TRIM25: variants seen among roughly 807,000 people sequenced by gnomAD.
TRIM25 encodes tripartite motif containing 25.
In TRIM25, 45 loss-of-function variants were observed where a neutral mutation model predicts 65.2. The observed-to-expected ratio is 0.69, with a 90% CI of 0.54 to 0.89. The LOEUF (loss-of-function observed/expected upper bound fraction) is 0.89, where lower values mean the gene tolerates loss of function less well. TRIM25 is among the 40% of genes least tolerant of loss of function. TRIM25 has a pLI of 0.00. For synonymous variants in TRIM25, 321 were observed against 340.4 expected (o/e 0.94, Z 0.63); for missense variants, 714 against 803.7 (o/e 0.89, Z 1.35).
In TRIM25 at chr17:56,913,927, T is replaced by C; in HGVS notation, c.62A>G (p.Lys21Arg). ...LSCSICLEPF[K>R]EPVTTPCGHN... ...GCCGCACGGAGTGGTGACCGGCTCC[T>C]TGAAGGGCTCCAGGCAGATGGAGCA... Residue 21 changes from lysine (K) to arginine (R), a missense_variant, in exon 1 of 9, where the codon AAG (lysine) becomes AGG (arginine). Lys to Arg is a conservative substitution (Grantham distance 26, BLOSUM62 2). This residue lies in a region of TRIM25 where 291 missense variants were observed against 281.8 expected (regional missense o/e 1.03). Transcript: ENST00000316881. This position sits in a 1 kb window ranked among gnomAD's most constrained non-coding sequence, Gnocchi z 6.1. 6.3e-7 allele frequency: 1 copy of C among 1,583,704 alleles called. No individual in the cohort carries two copies. The highest frequency in any genetic ancestry group is 2.3e-5 in the East Asian group (1 of 43,740).
chr17:56,909,055 C>T (rs964524318), intron 1 of TRIM25, among the ~76,000 whole-genome samples: 5 of 152,086 alleles, frequency 3.3e-5, no homozygotes, highest in African/African-American at 9.7e-5. Flanking sequence ...AGGAACAGAA[C>T]GAGCTGGGAC....
rs185905212 is a variant in TRIM25 at position 56,901,592 on chromosome 17, G to A, written c.928-14C>T. 1.5e-4 allele frequency: 236 copies of A among 1,613,922 alleles called. No homozygotes were observed. Among genetic ancestry groups the A allele is most frequent in the Non-Finnish European group, 1.9e-4 (225 of 1,179,878 alleles). On this transcript the variant is annotated splice_polypyrimidine_tract_variant and intron_variant, in intron 3 of 8. Transcript: ENST00000316881. Reference sequence around the variant, plus strand: ...TTTTGATGCTTTCTGGAACATGCCAGGGGGTTAGTGCAGGCAGCTCTGGTG... The same window carrying A: ...TTTTGATGCTTTCTGGAACATGCCAAGGGGTTAGTGCAGGCAGCTCTGGTG...
Position 56,913,344 on chromosome 17 carries a change from C to T in TRIM25, c.597+48G>A. On this transcript the variant is annotated intron_variant, in intron 1 of 8. Transcript: ENST00000316881. This position sits in a 1 kb window ranked among gnomAD's most constrained non-coding sequence, Gnocchi z 6.1. ...GAGGCCCCCGGTGGCCCCTCTGCAC[C>T]ACCCATCAGGCCAGGCTGCCCTCTG... The T allele has an allele frequency of 6.7e-7, 1 of 1,494,734 alleles. No individual in the cohort carries two copies. Among genetic ancestry groups the T allele is most frequent in the South Asian group, 1.4e-5 (1 of 74,054 alleles). 92.6% of individuals were successfully genotyped at this position (1,494,734 alleles called of 1,614,324 possible). A position where few individuals can be genotyped will look rare whatever the true frequency, so the allele number is the denominator to read the frequency against.
intron 8 of TRIM25, 96 bp from the exon 9 acceptor site, chr17:56,892,325 C>A: frequency 7.2e-7 from 1 of 1,383,514 alleles, no homozygotes; most frequent in Non-Finnish European, 9.8e-7. Context: ...CTAGTTTTAT[C>A]CATCCATGCA....
Position 56,901,501 on chromosome 17 carries a change from T to G in TRIM25, c.1005A>C (p.Lys335Asn). 6.2e-7 allele frequency: 1 copy of G among 1,614,156 alleles called. No individual in the cohort carries two copies. The change falls in exon 4 of 9, where the codon AAA (lysine) becomes AAC (asparagine). Residue 335 changes from lysine to asparagine, a missense_variant. By Grantham distance (94) the Lys-to-Asn change is moderately conservative (BLOSUM62 0). Transcript: ENST00000316881. Reference sequence around the variant, plus strand: ...GGTCTATGGTGCTCTGGTGGATGCCTTTTATCAGCTTGTGGTTCAGTTCCA... The same window carrying G: ...GGTCTATGGTGCTCTGGTGGATGCCGTTTATCAGCTTGTGGTTCAGTTCCA... ...PEVELNHKLI[K>N]GIHQSTIDLK...
At position 56,891,456 on chromosome 17, in the gene TRIM25, A is replaced by G; in HGVS notation, c.*244T>C. 1 of 532,034 alleles carries G rather than the reference A, an allele frequency of 1.9e-6. No individual in the cohort carries two copies. The highest frequency in any genetic ancestry group is 3.4e-6 in the Non-Finnish European group (1 of 298,188). The allele number at this position is 532,034 out of a possible 1,614,324, so 33.0% of individuals were successfully genotyped here. ...CAGCAGCCTGGAGATTTCCAGAACA[A>G]TGGGGAGTAGGTCACCCTGCCCTGA... is the stretch of plus-strand genomic sequence containing the variant. On this transcript the variant is annotated 3_prime_UTR_variant, in exon 9 of 9. Coordinates refer to ENST00000316881, the MANE Select transcript of TRIM25 (RefSeq NM_005082.5).
chr17:56,895,014 G>A lies in TRIM25; in HGVS notation c.1363+329C>T, dbSNP rs545986019. 1.6e-4 allele frequency among the ~76,000 whole-genome samples: 25 copies of A among 152,334 alleles called. No homozygotes were observed. The South Asian group carries it at 2.3e-3, about 14-fold the overall frequency. On this transcript the variant is annotated intron_variant, in intron 8 of 8. Coordinates refer to ENST00000316881, the MANE Select transcript of TRIM25 (RefSeq NM_005082.5). ...GATGCAGGGCAGGCATGCCGGCAAC[G>A]GGACGCCCGGTGAAGGCCGGTGACC...
At chr17:56,899,247 A>C (rs768070909) in intron 4 of TRIM25, 67 bp from the exon 5 acceptor site, 1 of 1,567,060 alleles carries the variant, frequency 6.4e-7, no homozygotes, top group Admixed American at 1.7e-5. Context: ...CAGCTTTGCC[A>C]TGGGTCGGTG....
chr17:56,897,691 T>G (rs1226966213), intron 5 of TRIM25, among the ~76,000 whole-genome samples: 1 of 152,220 alleles, frequency 6.6e-6, no homozygotes, highest in African/African-American at 2.4e-5. Flanking sequence ...GTCATTCTGC[T>G]GTGACATGAG....
Position 56,901,492 on chromosome 17 carries a change from G to A in TRIM25, c.1014C>T (p.His338=). 6.2e-7 allele frequency: 1 copy of A among 1,614,184 alleles called. No individual in the cohort carries two copies. The highest frequency in any genetic ancestry group is 8.5e-7 in the Non-Finnish European group (1 of 1,180,044). The change falls in exon 4 of 9, where the codon CAC becomes CAT. Residue 338 remains histidine, a synonymous_variant. Transcript: ENST00000316881. ...ELNHKLIKGI[H]QSTIDLKNEL... is the part of the protein sequence containing the mutation. The stretch of plus-strand genomic sequence containing the variant: ...CGTTTTTGAGGTCTATGGTGCTCTG[G>A]TGGATGCCTTTTATCAGCTTGTGGT...
rs1208446136 is a variant in TRIM25, at chr17:56,908,511, G to A, written c.650C>T (p.Ser217Leu). 1.3e-5 allele frequency: 21 copies of A among 1,614,008 alleles called. No homozygotes were observed. The highest frequency in any genetic ancestry group is 2.2e-5 in the East Asian group (1 of 44,878). ...TVMYSQINGA[S>L]RALDDVRNRQ... is the part of the protein sequence containing the mutation. ...GTTTCTCACATCATCCAGTGCTCTC[G>A]ACGCCCCGTTGATCTGACTGTACAT... The change falls in exon 2 of 9, where the codon TCG (serine) becomes TTG (leucine). Residue 217 changes from serine (S) to leucine (L), a missense_variant. By Grantham distance (145) the Ser-to-Leu change is moderately radical. Around this residue, in one of 3 missense-constraint regions of TRIM25, gnomAD observed 413 missense variants for 498.2 expected, o/e 0.83. Transcript: ENST00000316881.
Position 56,913,588 on chromosome 17 carries a change from T to G in TRIM25, c.401A>C (p.His134Pro), listed in dbSNP as rs1464366002. 6.2e-7 allele frequency: 1 copy of G among 1,610,654 alleles called. No homozygotes were observed. Among genetic ancestry groups the G allele is most frequent in the African/African-American group, 1.3e-5 (1 of 74,960 alleles). The change falls in exon 1 of 9, where the codon CAC becomes CCC. Residue 134 changes from histidine (H) to proline (P), a missense_variant. His to Pro is a moderately conservative substitution (Grantham distance 77). Transcript: ENST00000316881. This position sits in a 1 kb window ranked among gnomAD's most constrained non-coding sequence, Gnocchi z 6.1. ...GTCCTGGAAGGCGGGGCTGTCGAAG[T>G]GCGGCTGCAGGTGCTCCTGACAGAA... ...ASFCQEHLQP[H>P]FDSPAFQDHP...
intron 4 of TRIM25, 143 bp downstream of exon 4, chr17:56,901,272 CCAGA>C: frequency 2.2e-6 from 2 of 915,570 alleles, no homozygotes; most frequent in Non-Finnish European, 1.6e-6. Flanking sequence ...CCACCAGCCT[CCAGA>C]CAGAGGGCGG....
chr17:56,893,023 A>G (rs1909213493), intron 8 of TRIM25, among the ~76,000 whole-genome samples: 1 of 152,240 alleles, frequency 6.6e-6, no homozygotes, highest in Non-Finnish European at 1.5e-5. Context: ...AGGAGAACAG[A>G]GAGAGAAAAG....
intron 8 of TRIM25, among the ~76,000 whole-genome samples, chr17:56,894,051 A>G (rs559228931): frequency 3.3e-5 from 5 of 152,242 alleles, no homozygotes; most frequent in African/African-American, 1.2e-4. Context: ...CGGGGATTTT[A>G]AAAAGCTCCC....
At chr17:56,899,073 C>T in intron 5 of TRIM25, 42 bp downstream of exon 5, 1 of 1,609,152 alleles carries the variant, frequency 6.2e-7, no homozygotes, top group Non-Finnish European at 8.5e-7. Context: ...GGGGAGGCCA[C>T]AGCCATGCTG....
intron 5 of TRIM25, among the ~76,000 whole-genome samples, chr17:56,898,594 C>T (rs1254123073): frequency 6.6e-6 from 1 of 151,646 alleles, no homozygotes; most frequent in East Asian, 1.9e-4. Context: ...AAAGCACAAA[C>T]ATAAACAGTT....
In TRIM25 at chr17:56,913,287, C is replaced by T; in HGVS notation, c.597+105G>A. On this transcript the variant is annotated intron_variant, in intron 1 of 8. Transcript: ENST00000316881. The surrounding 1 kb of genome is among the most constrained non-coding windows in gnomAD (Gnocchi z 6.1). ...AGATGCCCCGGCCTCGAATTCAGGCCCATCTCCCCAGGGCGTCCAGAGTGT... is the reference window on the plus strand; with the variant it reads ...AGATGCCCCGGCCTCGAATTCAGGCTCATCTCCCCAGGGCGTCCAGAGTGT... 1.3e-5 allele frequency: 14 copies of T among 1,069,532 alleles called. No homozygotes were observed. In the South Asian group the frequency reaches 2.5e-4, roughly 19 times the overall value. The allele number at this position is 1,069,532 out of a possible 1,614,324, so 66.3% of individuals were successfully genotyped here. A position where few individuals can be genotyped will look rare whatever the true frequency, so the allele number is the denominator to read the frequency against.
chr17:56,891,569 G>A lies in TRIM25; in HGVS notation c.*131C>T, dbSNP rs1291503298. On this transcript the variant is annotated 3_prime_UTR_variant, in exon 9 of 9. Transcript: ENST00000316881. ...GCTAAATCCCACCTCCCACCCTCCCGCCAGCTCCCCTCCCATGCTCCCAAT... is the reference window on the plus strand; with the variant it reads ...GCTAAATCCCACCTCCCACCCTCCCACCAGCTCCCCTCCCATGCTCCCAAT... 8 of 166,122 alleles carry A rather than the reference G, an allele frequency of 4.8e-5. No individual in the cohort carries two copies. The highest frequency in any genetic ancestry group is 2.9e-4 in the East Asian group (2 of 6,900). The allele number at this position is 166,122 out of a possible 1,614,324, so 10.3% of individuals were successfully genotyped here.
Sources: allele counts gnomAD v4.1 joint callset (sites outside exome capture counted in the v4.1 genomes callset), GRCh38; gene constraint gnomAD v4.1.1; regional missense constraint gnomAD v4.1.1; non-coding constraint Gnocchi (gnomAD v3.1); transcripts MANE v1.5; gene names NCBI Gene and HGNC (gene_info 2026-07-23, HGNC 2026-07-21).